PRR16: variants seen among roughly 807,000 people sequenced by gnomAD.
The protein encoded by PRR16 is proline rich 16.
A neutral mutation model predicts 18.2 loss-of-function variants in PRR16; 6 were observed. The ratio of observed to expected loss-of-function variants is 0.33; its 90% CI spans 0.18 to 0.65. The LOEUF (loss-of-function observed/expected upper bound fraction) is 0.65. PRR16 is among the 30% of genes least tolerant of loss of function. The pLI is 0.74. For missense variants in PRR16, 412 were observed against 376.6 expected, an observed-to-expected ratio of 1.09 and a Z score of -0.78; for synonymous variants, 151 against 147.8, an observed-to-expected ratio of 1.02 and a Z score of -0.16.
the PRR16 span, among the ~76,000 whole-genome samples, chr5:120,746,166 G>A: frequency 6.7e-6 from 1 of 149,548 alleles, no homozygotes; most frequent in African/African-American, 2.5e-5. Flanking sequence ...TTGTTCCTTC[G>A]GATCATTTCC....
chr5:120,569,512 T>A (rs546534228), intron 1 of PRR16, among the ~76,000 whole-genome samples: 1 of 152,208 alleles, frequency 6.6e-6, no homozygotes, highest in African/African-American at 2.4e-5. Flanking sequence ...AGATTTACTG[T>A]CTTGGAAGAG....
chr5:120,655,882 A>G (rs965479993), intron 1 of PRR16, among the ~76,000 whole-genome samples: 3 of 151,866 alleles, frequency 2.0e-5, no homozygotes, highest in Admixed American at 6.6e-5. Context: ...ATCATTCCCA[A>G]TTCCTTGGAT....
intron 1 of PRR16, among the ~76,000 whole-genome samples, chr5:120,526,582 T>C (rs1751356611): frequency 2.0e-5 from 3 of 152,248 alleles, no homozygotes; most frequent in East Asian, 1.9e-4. Context: ...TAATTGGTAG[T>C]AGAGCCACTG....
At chr5:120,681,096 A>G (rs772146153) in intron 1 of PRR16, among the ~76,000 whole-genome samples, 9 of 152,100 alleles carry the variant, frequency 5.9e-5, no homozygotes, top group Non-Finnish European at 1.0e-4. Context: ...GGCAGCAATC[A>G]CTACTTTTAT....
chr5:120,785,691 G>A, the PRR16 span, among the ~76,000 whole-genome samples: 1 of 149,884 alleles, frequency 6.7e-6, no homozygotes, highest in African/African-American at 2.5e-5. Context: ...TCCTGCCTCA[G>A]CCTTCTCAGT....
rs1757142574 is a variant in PRR16, at chr5:120,686,757, A to G, written c.*48A>G. 2 of 1,320,380 alleles carry G rather than the reference A, an allele frequency of 1.5e-6. No homozygotes were observed. The highest frequency in any genetic ancestry group is 1.5e-5 in the African/African-American group (1 of 66,316). The allele number at this position is 1,320,380 out of a possible 1,614,324, so 81.8% of individuals were successfully genotyped here. A position where few individuals can be genotyped will look rare whatever the true frequency, so the allele number is the denominator to read the frequency against. On this transcript the variant is annotated 3_prime_UTR_variant, in exon 2 of 2. Coordinates refer to ENST00000407149, the MANE Select transcript of PRR16 (RefSeq NM_001300783.2). ...TTTTTTAATTTTCTATATTATAAAC[A>G]TAAAATAAGTAATGAGCACTTTCTA...
chr5:120,629,474 A>G (rs1456141395), intron 1 of PRR16, among the ~76,000 whole-genome samples: 1 of 152,120 alleles, frequency 6.6e-6, no homozygotes, highest in African/African-American at 2.4e-5. Flanking sequence ...AAGTATTTCT[A>G]TTATGCCTCT....
chr5:120,765,057 C>T, the PRR16 span, among the ~76,000 whole-genome samples: 4 of 151,924 alleles, frequency 2.6e-5, no homozygotes, highest in African/African-American at 4.8e-5. Context: ...TATCCTCTGT[C>T]TTTTGAAACC....
chr5:120,761,675 A>C, the PRR16 span, among the ~76,000 whole-genome samples: 1 of 152,172 alleles, frequency 6.6e-6, no homozygotes, highest in African/African-American at 2.4e-5. Context: ...AATGATCAAG[A>C]CAGGGTATTA....
intron 1 of PRR16, among the ~76,000 whole-genome samples, chr5:120,500,506 C>A (rs1379609980): frequency 6.6e-6 from 1 of 152,052 alleles, no homozygotes; most frequent in African/African-American, 2.4e-5. Context: ...ATTTTAAGAC[C>A]AAAACATTAA....
At chr5:120,694,034 C>T in the PRR16 span, among the ~76,000 whole-genome samples, 1 of 152,154 alleles carries the variant, frequency 6.6e-6, no homozygotes, top group Non-Finnish European at 1.5e-5. Flanking sequence ...CTGTATTCCT[C>T]CTTTGAAGGA....
chr5:120,503,616 A>G (rs546931757), intron 1 of PRR16, among the ~76,000 whole-genome samples: 34 of 152,186 alleles, frequency 2.2e-4, no homozygotes, highest in Non-Finnish European at 4.3e-4. Context: ...CTGTTTGCAT[A>G]ATAATCCAGC....
chr5:120,486,961 A>G (rs376709807), intron 1 of PRR16, among the ~76,000 whole-genome samples: 1 of 152,092 alleles, frequency 6.6e-6, no homozygotes, highest in Non-Finnish European at 1.5e-5. Context: ...AGTTGTAGAT[A>G]TGTGGCATTA....
intron 1 of PRR16, among the ~76,000 whole-genome samples, chr5:120,510,853 T>A (rs1750803721): frequency 6.6e-6 from 1 of 152,208 alleles, no homozygotes; most frequent in Non-Finnish European, 1.5e-5. Context: ...ATTATGATCC[T>A]GGTTCTGTCA....
the PRR16 span, among the ~76,000 whole-genome samples, chr5:120,753,892 TAA>T: frequency 1.6e-5 from 2 of 127,060 alleles, no homozygotes; most frequent in Non-Finnish European, 3.2e-5. Context: ...ATATTATATA[TAA>T]TATATATTTA....
At chr5:120,464,285 G>A (rs1453457209), upstream of PRR16, 2 of 380,346 alleles carry the variant, frequency 5.3e-6, no homozygotes, top group Non-Finnish European at 8.8e-6. Context: ...CCCGAGCCGA[G>A]CGCCGCGTCT....
the PRR16 span, among the ~76,000 whole-genome samples, chr5:120,696,745 A>C: frequency 6.6e-6 from 1 of 151,306 alleles, no homozygotes; most frequent in Non-Finnish European, 1.5e-5. Flanking sequence ...AACCAACAAA[A>C]AGAAGGAGAG....
intron 1 of PRR16, among the ~76,000 whole-genome samples, chr5:120,664,368 C>T (rs1003081102): frequency 2.6e-5 from 4 of 151,748 alleles, no homozygotes; most frequent in African/African-American, 7.3e-5. Flanking sequence ...TGGGAAGGTA[C>T]TCGTGCTGCA....
At chr5:120,721,766 G>A in the PRR16 span, among the ~76,000 whole-genome samples, 1 of 152,032 alleles carries the variant, frequency 6.6e-6, no homozygotes, top group Admixed American at 6.6e-5. Flanking sequence ...AAGAGGAAGA[G>A]TTCAAGATGG....
Sources: gnomAD v4.1 joint callset for allele counts (sites outside exome capture counted in the v4.1 genomes callset) on GRCh38, gnomAD v4.1.1 for gene constraint, MANE v1.5 for transcripts, NCBI Gene and HGNC (gene_info 2026-07-23, HGNC 2026-07-21) for gene names.